CCT5: variants seen among roughly 807,000 people sequenced by gnomAD.
CCT5 encodes the protein chaperonin containing TCP1 subunit 5, also known as T-complex protein 1 subunit epsilon.
CCT5 carries 6 observed loss-of-function variants against 55.0 expected under a neutral mutation model. The ratio of observed to expected loss-of-function variants is 0.11; its 90% CI spans 0.06 to 0.22. CCT5 has a LOEUF of 0.22. Among genes scored for constraint, CCT5 ranks in the 10% least tolerant of loss-of-function variants. CCT5 has a pLI of 1.00. For missense variants in CCT5, 560 were observed against 694.6 expected (o/e 0.81, Z 2.18); for synonymous variants, 231 against 243.7 (o/e 0.95, Z 0.49).
At chr5:10,261,099 G>T in intron 7 of CCT5, 188 bp downstream of exon 7, 1 of 691,698 alleles carries the variant, frequency 1.4e-6, no homozygotes, top group Non-Finnish European at 2.6e-6. Context: ...GTGTGTTTCT[G>T]GTGTTCCCTG....
At position 10,256,139 on chromosome 5, in the gene CCT5, G is replaced by C. The variant is rs41271093; in HGVS notation, c.516G>C (p.Thr172=). The change falls in exon 4 of 11, where the codon ACG becomes ACC. Residue 172 remains threonine, a synonymous_variant. Coordinates refer to ENST00000280326, the MANE Select transcript of CCT5 (RefSeq NM_012073.5). ...CCCTGATTCAGACAGCAAAAACCAC[G>C]CTGGGCTCCAAAGTGTACGTTTCAG... ...TEPLIQTAKT[T]LGSKVVNSCH... The C allele has an allele frequency of 7.4e-6, 12 of 1,613,144 alleles. No individual in the cohort carries two copies. Among genetic ancestry groups the C allele is most frequent in the South Asian group, 1.1e-5 (1 of 90,982 alleles).
chr5:10,258,851 G>A (rs1745811589), intron 6 of CCT5, among the ~76,000 whole-genome samples: 1 of 152,148 alleles, frequency 6.6e-6, no homozygotes, highest in South Asian at 2.1e-4. Context: ...AAATTAGCCA[G>A]GCATGGTGGC....
upstream of CCT5, chr5:10,250,246 C>A: frequency 6.3e-7 from 1 of 1,590,506 alleles, no homozygotes; most frequent in Non-Finnish European, 8.6e-7. Context: ...GCTGCGCGTG[C>A]GCAAGCTTTT....
intron 4 of CCT5, among the ~76,000 whole-genome samples, chr5:10,257,138 T>C (rs1745723347): frequency 6.6e-6 from 1 of 152,252 alleles, no homozygotes; most frequent in African/African-American, 2.4e-5. Flanking sequence ...AGGGATCTTC[T>C]AAACTCAGAG....
intron 6 of CCT5, 63 bp downstream of exon 6, chr5:10,258,598 G>T: frequency 6.8e-7 from 1 of 1,465,772 alleles, no homozygotes; most frequent in Non-Finnish European, 9.6e-7. Flanking sequence ...AGTTAGGTTT[G>T]GTTAGTAAAT....
At chr5:10,261,525 C>T (rs746538247) in intron 7 of CCT5, 35 bp from the exon 8 acceptor site, 16 of 1,605,550 alleles carry the variant, frequency 1.0e-5, no homozygotes, top group Admixed American at 1.7e-5. Context: ...TTCACCAGTA[C>T]TGTCTTCATC....
At position 10,265,030 on chromosome 5, in the gene CCT5, G is replaced by C. The variant is rs762877455; in HGVS notation, c.*247G>C. The C allele has an allele frequency of 2.2e-6, 1 of 445,558 alleles. No homozygotes were observed. Among genetic ancestry groups the C allele is most frequent in the Non-Finnish European group, 4.0e-6 (1 of 249,004 alleles). 27.6% of individuals were successfully genotyped at this position (445,558 alleles called of 1,614,324 possible). On this transcript the variant is annotated 3_prime_UTR_variant, in exon 11 of 11. Transcript: ENST00000280326. ...TTTAAACAACCTTTATCTTCTCTTC[G>C]GGTTTAAGAAACGTTTATTGTAACA...
chr5:10,253,658 G>T (rs1310919200), intron 1 of CCT5, among the ~76,000 whole-genome samples: 1 of 152,182 alleles, frequency 6.6e-6, no homozygotes, highest in Non-Finnish European at 1.5e-5. Flanking sequence ...TGCAGATGGG[G>T]AACCCGCAGA....
chr5:10,260,700 A>G, intron 6 of CCT5, 92 bp from the exon 7 acceptor site: 1 of 1,401,912 alleles, frequency 7.1e-7, no homozygotes, highest in Non-Finnish European at 1.0e-6. Flanking sequence ...CACCTGCCTT[A>G]CACCCAACTG....
Position 10,266,249 on chromosome 5 carries a change from TC to T in CCT5, c.*1471del, listed in dbSNP as rs368024599. ...TGTATCAGAAGAGCCACTAAACCAATCCCCCTTTCCAAAATTGAACCTCACA... is the reference window on the plus strand; with the variant it reads ...TGTATCAGAAGAGCCACTAAACCAATCCCCTTTCCAAAATTGAACCTCACA... On this transcript the variant is annotated 3_prime_UTR_variant, in exon 11 of 11. Transcript: ENST00000280326. 1.6e-3 allele frequency: 237 copies of T among 152,246 alleles called. No homozygotes were observed. The highest frequency in any genetic ancestry group is 5.5e-3 in the African/African-American group (229 of 41,536). The allele number at this position is 152,246 out of a possible 1,614,324, so 9.4% of individuals were successfully genotyped here. A position where few individuals can be genotyped will look rare whatever the true frequency, so the allele number is the denominator to read the frequency against.
At chr5:10,256,905 C>T (rs1223651710) in intron 4 of CCT5, among the ~76,000 whole-genome samples, 3 of 152,184 alleles carry the variant, frequency 2.0e-5, no homozygotes, top group Non-Finnish European at 4.4e-5. Flanking sequence ...GTTTGCCAGG[C>T]TTACTGCCAG....
At chr5:10,257,026 TATAAC>T (rs1477230577) in intron 4 of CCT5, among the ~76,000 whole-genome samples, 1 of 152,240 alleles carries the variant, frequency 6.6e-6, no homozygotes, top group African/African-American at 2.4e-5. Context: ...GTTGCCGTAA[TATAAC>T]ATAAAAATCC....
At chr5:10,250,793 G>A (rs1007642769) in intron 1 of CCT5, 1 of 1,168,508 alleles carries the variant, frequency 8.6e-7, no homozygotes, top group East Asian at 5.4e-5. Flanking sequence ...GTGGGAGGGC[G>A]CCGGGGAGAT....
In CCT5 at chr5:10,254,137, T is replaced by A. The variant is rs746733570; in HGVS notation, c.106-8T>A. 1.3e-6 allele frequency: 2 copies of A among 1,596,732 alleles called. No individual in the cohort carries two copies. Among genetic ancestry groups the A allele is most frequent in the Non-Finnish European group, 1.7e-6 (2 of 1,164,530 alleles). On this transcript the variant is annotated splice_polypyrimidine_tract_variant and splice_region_variant and intron_variant, in intron 1 of 10. Transcript: ENST00000280326. ...AACAGTGTTTGCTTTTTCTGTTTGTTTCATTAGTCTCATATAATGGCAGCA... is the reference window on the plus strand; with the variant it reads ...AACAGTGTTTGCTTTTTCTGTTTGTATCATTAGTCTCATATAATGGCAGCA...
intron 1 of CCT5, 112 bp from the exon 2 acceptor site, chr5:10,254,033 C>T: frequency 1.3e-6 from 1 of 768,128 alleles, no homozygotes; most frequent in Non-Finnish European, 2.4e-6. Flanking sequence ...AATGTAGAAG[C>T]TTCTAGACAA....
rs1745664091 is a variant in CCT5 at position 10,256,121 on chromosome 5, T to G, written c.498T>G (p.Ile166Met). 5 of 1,613,694 alleles carry G rather than the reference T, an allele frequency of 3.1e-6. No individual in the cohort carries two copies. The highest frequency in any genetic ancestry group is 4.2e-6 in the Non-Finnish European group (5 of 1,179,850). Reference protein sequence around the residue: ...LVDIKDTEPLIQTAKTTLGSK... With the variant: ...LVDIKDTEPLMQTAKTTLGSK... ...ACATAAAGGACACCGAACCCCTGAT[T>G]CAGACAGCAAAAACCACGCTGGGCT... The change falls in exon 4 of 11, where the codon ATT (isoleucine) becomes ATG (methionine). Residue 166 changes from isoleucine (I) to methionine (M), a missense_variant. Ile to Met is a conservative substitution (Grantham distance 10). Transcript: ENST00000280326.
rs768773985 is a variant in CCT5, at chr5:10,250,407, G to C, written c.67G>C (p.Asp23His). Residue 23 changes from aspartate to histidine, a missense_variant, in exon 1 of 11, where the codon GAC (aspartate) becomes CAC (histidine). Physicochemically the swap from Asp to His is moderately conservative, Grantham distance 81. Transcript: ENST00000280326. ...CCCTTTCCTCATCATCAAGGATCAG[G>C]ACCGCAAGTCCCGTCTTATGGGACT... ...GRPFLIIKDQ[D>H]RKSRLMGLEA... is the part of the protein sequence containing the mutation. 1 of 1,614,064 alleles carries C rather than the reference G, an allele frequency of 6.2e-7. No individual in the cohort carries two copies. Among genetic ancestry groups the C allele is most frequent in the Non-Finnish European group, 8.5e-7 (1 of 1,180,048 alleles).
At chr5:10,263,435 T>A in intron 10 of CCT5, 121 bp downstream of exon 10, 1 of 902,450 alleles carries the variant, frequency 1.1e-6, no homozygotes, top group Non-Finnish European at 1.7e-6. Context: ...CCACTTCAGG[T>A]GTTCAAGTCC....
chr5:10,251,983 G>A (rs1334365187), intron 1 of CCT5, among the ~76,000 whole-genome samples: 4 of 152,242 alleles, frequency 2.6e-5, no homozygotes, highest in Non-Finnish European at 4.4e-5. Flanking sequence ...GCCCAGAGCA[G>A]TTGAGAAATT....
Sources: allele counts gnomAD v4.1 joint callset (sites outside exome capture counted in the v4.1 genomes callset), GRCh38; gene constraint gnomAD v4.1.1; transcripts MANE v1.5; gene names NCBI Gene and HGNC (gene_info 2026-07-23, HGNC 2026-07-21).